Variants in LRMDA observed in about 807,000 individuals in gnomAD.
LRMDA encodes the protein leucine-rich melanocyte differentiation-associated protein.
In LRMDA, 18 loss-of-function variants were observed where a neutral mutation model predicts 29.8. The ratio of observed to expected loss-of-function variants is 0.60; its 90% CI spans 0.42 to 0.90. The LOEUF is 0.90. LRMDA is among the 40% of genes least tolerant of loss of function. The pLI, the probability that LRMDA is intolerant of heterozygous loss-of-function variation, is 0.00. For synonymous variants in LRMDA, 125 were observed against 109.4 expected, an observed-to-expected ratio of 1.14 and a Z score of -0.89; for missense variants, 273 against 273.9, an observed-to-expected ratio of 1.00 and a Z score of 0.02.
intron 2 of LRMDA, among the ~76,000 whole-genome samples, chr10:75,755,958 T>C (rs974757774): frequency 3.3e-5 from 5 of 152,224 alleles, no homozygotes; most frequent in Admixed American, 6.5e-5. Flanking sequence ...CTGGCTGGCA[T>C]GTGGAGAATG....
chr10:76,531,567 T>C (rs1227407624), intron 6 of LRMDA, among the ~76,000 whole-genome samples: 1 of 152,202 alleles, frequency 6.6e-6, no homozygotes, highest in Non-Finnish European at 1.5e-5. Context: ...TTTAAATTGG[T>C]TGATATAAAT....
chr10:76,014,625 C>T (rs1296709152), intron 2 of LRMDA, among the ~76,000 whole-genome samples: 3 of 152,184 alleles, frequency 2.0e-5, no homozygotes, highest in African/African-American at 7.2e-5. Flanking sequence ...GCTTGGAGAA[C>T]TCAAAAATGC....
intron 5 of LRMDA, among the ~76,000 whole-genome samples, chr10:76,239,908 T>C (rs956821530): frequency 6.6e-6 from 1 of 151,762 alleles, no homozygotes; most frequent in Non-Finnish European, 1.5e-5. Flanking sequence ...TTACATTTTA[T>C]GTATATATAC....
At chr10:76,511,416 G>A (rs535565006) in intron 6 of LRMDA, among the ~76,000 whole-genome samples, 4 of 152,198 alleles carry the variant, frequency 2.6e-5, no homozygotes, top group South Asian at 4.1e-4. Context: ...AGAAGTGGGA[G>A]AAAAGGGGTC....
At chr10:76,193,181 G>A (rs1386232430) in intron 5 of LRMDA, among the ~76,000 whole-genome samples, 2 of 152,172 alleles carry the variant, frequency 1.3e-5, no homozygotes, top group African/African-American at 2.4e-5. Context: ...AGGCCTGTTA[G>A]CAATGTGATG....
Position 76,541,267 on chromosome 10 carries a change from G to A in LRMDA, c.602-15942G>A, listed in dbSNP as rs548798771. 2.0e-5 allele frequency among the ~76,000 whole-genome samples: 3 copies of A among 152,270 alleles called. No individual in the cohort carries two copies. In the South Asian group the frequency reaches 6.2e-4, roughly 32 times the overall value. ...TGTAATCCAAGCACTTTGGGAGGCCGAGTTGGGTGGGTTACTTGAGGTCAG... is the reference window on the plus strand; with the variant it reads ...TGTAATCCAAGCACTTTGGGAGGCCAAGTTGGGTGGGTTACTTGAGGTCAG... On this transcript the variant is annotated intron_variant, in intron 6 of 6. Transcript: ENST00000611255.
At chr10:75,995,959 T>A (rs530586425) in intron 2 of LRMDA, among the ~76,000 whole-genome samples, 4 of 152,140 alleles carry the variant, frequency 2.6e-5, no homozygotes, top group African/African-American at 9.7e-5. Flanking sequence ...AAGTTTTAGA[T>A]CCATAACTGA....
chr10:75,945,629 T>A (rs1028427370), intron 2 of LRMDA, among the ~76,000 whole-genome samples: 1 of 152,130 alleles, frequency 6.6e-6, no homozygotes, highest in Non-Finnish European at 1.5e-5. Context: ...AATGGGAGGG[T>A]TTGTTTAATA....
chr10:75,649,741 G>C (rs965125925), intron 2 of LRMDA, among the ~76,000 whole-genome samples: 5 of 152,280 alleles, frequency 3.3e-5, no homozygotes, highest in Non-Finnish European at 5.9e-5. Context: ...TTTTATAGCA[G>C]CTGCACAACT....
chr10:76,428,496 C>A (rs749475985), intron 6 of LRMDA, among the ~76,000 whole-genome samples: 2 of 152,076 alleles, frequency 1.3e-5, no homozygotes, highest in East Asian at 3.9e-4. Context: ...CATCATAGAT[C>A]CATCGATCCA....
chr10:76,127,647 A>G (rs1184445828), intron 5 of LRMDA, among the ~76,000 whole-genome samples: 1 of 152,036 alleles, frequency 6.6e-6, no homozygotes, highest in Non-Finnish European at 1.5e-5. Flanking sequence ...AATACACTCA[A>G]CCAAGTGTAG....
chr10:75,983,813 C>A (rs1258842397), intron 2 of LRMDA, among the ~76,000 whole-genome samples: 1 of 152,128 alleles, frequency 6.6e-6, no homozygotes, highest in African/African-American at 2.4e-5. Flanking sequence ...CACCACCATG[C>A]CTGGTTAATT....
intron 5 of LRMDA, among the ~76,000 whole-genome samples, chr10:76,315,297 C>T (rs985535363): frequency 1.3e-5 from 2 of 152,218 alleles, no homozygotes. Context: ...GCCCCACCCC[C>T]TAACCAGTTG....
chr10:75,767,025 T>C (rs373067989), intron 2 of LRMDA, among the ~76,000 whole-genome samples: 1 of 152,260 alleles, frequency 6.6e-6, no homozygotes, highest in African/African-American at 2.4e-5. Context: ...TACCACGTTT[T>C]CTTTATCCAG....
Position 76,036,027 on chromosome 10 carries a change from GCATTCAGGAGCC to G in LRMDA, c.152_163del (p.Ala51_Leu55delinsVal). On this transcript the variant is annotated inframe_deletion, in exon 3 of 7. Coordinates refer to ENST00000611255, the MANE Select transcript of LRMDA (RefSeq NM_001305581.2). ...TTGCAGGTCACTGGAAGGACTGAGCGCATTCAGGAGCCTGGAGGAACTCATCTTGGACAACAA... is the reference window on the plus strand; with the variant it reads ...TTGCAGGTCACTGGAAGGACTGAGCGTGGAGGAACTCATCTTGGACAACAA... 1.2e-6 allele frequency: 2 copies of G among 1,614,024 alleles called. No individual in the cohort carries two copies. Among genetic ancestry groups the G allele is most frequent in the Non-Finnish European group, 1.7e-6 (2 of 1,179,976 alleles).
Position 75,640,141 on chromosome 10 carries a change from G to A in LRMDA, c.131+201647G>A, listed in dbSNP as rs930039440. On this transcript the variant is annotated intron_variant, in intron 2 of 6. Transcript: ENST00000611255. ...TATGTAGCCCACAGAGTGAGCAGGCGGGAGAGAAACTTTTACATGGCGTTT... is the reference window on the plus strand; with the variant it reads ...TATGTAGCCCACAGAGTGAGCAGGCAGGAGAGAAACTTTTACATGGCGTTT... 5.3e-5 allele frequency among the ~76,000 whole-genome samples: 8 copies of A among 152,278 alleles called. No homozygotes were observed. The Middle Eastern group carries it at 0.01, about 194-fold the overall frequency.
chr10:76,057,023 G>A (rs539532884), intron 4 of LRMDA, among the ~76,000 whole-genome samples: 2 of 152,274 alleles, frequency 1.3e-5, no homozygotes, highest in East Asian at 1.9e-4. Flanking sequence ...GTGGAAGGTG[G>A]CCTTGGGAAC....
intron 5 of LRMDA, among the ~76,000 whole-genome samples, chr10:76,195,369 G>C (rs1001194153): frequency 6.6e-6 from 1 of 152,190 alleles, no homozygotes; most frequent in Non-Finnish European, 1.5e-5. Context: ...GAAGAGCTGT[G>C]ACTAGGCATA....
intron 5 of LRMDA, among the ~76,000 whole-genome samples, chr10:76,186,166 A>G (rs1851145996): frequency 6.6e-6 from 1 of 152,072 alleles, no homozygotes; most frequent in African/African-American, 2.4e-5. Context: ...GATCTTGGAC[A>G]GTTTGTTTAT....
Sources: allele counts gnomAD v4.1 joint callset (sites outside exome capture counted in the v4.1 genomes callset), GRCh38; gene constraint gnomAD v4.1.1; transcripts MANE v1.5; gene names NCBI Gene and HGNC (gene_info 2026-07-23, HGNC 2026-07-21).